Variants in FUT9 observed in about 807,000 individuals in gnomAD.
The protein encoded by FUT9 is fucosyltransferase 9.
A neutral mutation model predicts 29.7 loss-of-function variants in FUT9; 15 were observed. The ratio of observed to expected loss-of-function variants is 0.51; its 90% CI spans 0.34 to 0.78. The LOEUF is 0.78. FUT9 is among the 30% of genes least tolerant of loss of function. FUT9 has a pLI of 0.01. For synonymous variants in FUT9, 169 were observed against 153.7 expected (o/e 1.10, Z -0.74); for missense variants, 319 against 425.4 (o/e 0.75, Z 2.20).
At chr6:96,124,584 A>G (rs1041047612) in intron 2 of FUT9, among the ~76,000 whole-genome samples, 13 of 151,704 alleles carry the variant, frequency 8.6e-5, no homozygotes, top group Admixed American at 5.3e-4. Flanking sequence ...CTTATATTCC[A>G]TTCTAGAATG....
intron 1 of FUT9, among the ~76,000 whole-genome samples, chr6:96,076,894 A>T (rs1771149492): frequency 6.6e-6 from 1 of 152,210 alleles, no homozygotes; most frequent in Non-Finnish European, 1.5e-5. Context: ...ATAAACAAAT[A>T]GACTGTAATA....
rs145491258 is a variant in FUT9 at position 96,056,559 on chromosome 6, T to C, written c.-98+40347T>C. ...TAGTAGTGAAGAAGAAAACACAATC[T>C]CAATATAAGCAAATATACCTAGTAT... is the stretch of plus-strand genomic sequence containing the variant. On this transcript the variant is annotated intron_variant, in intron 1 of 2. Transcript: ENST00000302103. Among the ~76,000 whole-genome samples, 832 of 152,206 alleles carry C rather than the reference T, an allele frequency of 5.5e-3. 4 individuals are homozygous for C. The highest frequency in any genetic ancestry group is 9.2e-3 in the Non-Finnish European group (628 of 68,018).
intron 2 of FUT9, among the ~76,000 whole-genome samples, chr6:96,146,976 T>TAC (rs765237840): frequency 1.8e-4 from 28 of 152,094 alleles, no homozygotes; most frequent in Admixed American, 3.3e-4. Flanking sequence ...TAAAATACCT[T>TAC]ACACACAAAT....
intron 1 of FUT9, among the ~76,000 whole-genome samples, chr6:96,039,184 A>G (rs1380037774): frequency 6.6e-6 from 1 of 151,996 alleles, no homozygotes; most frequent in Non-Finnish European, 1.5e-5. Flanking sequence ...TATTCAATTG[A>G]ACTGAACATC....
At chr6:96,160,242 T>C (rs909567092) in intron 2 of FUT9, among the ~76,000 whole-genome samples, 1 of 152,164 alleles carries the variant, frequency 6.6e-6, no homozygotes, top group African/African-American at 2.4e-5. Context: ...ATGATGGTAT[T>C]GTGGCTCTGA....
At chr6:96,194,515 T>A (rs1299684298) in intron 2 of FUT9, among the ~76,000 whole-genome samples, 1 of 152,140 alleles carries the variant, frequency 6.6e-6, no homozygotes, top group Non-Finnish European at 1.5e-5. Context: ...AGAAGTCTAC[T>A]AATATAAGGA....
chr6:96,067,760 C>A (rs781448581), intron 1 of FUT9, among the ~76,000 whole-genome samples: 2 of 152,022 alleles, frequency 1.3e-5, no homozygotes, highest in Non-Finnish European at 2.9e-5. Flanking sequence ...AAAAAAGAAC[C>A]AACTTCGTGT....
chr6:96,073,129 C>T (rs35833356), intron 1 of FUT9, among the ~76,000 whole-genome samples: 12,210 of 152,190 alleles, frequency 0.08, 731 homozygotes, highest in East Asian at 0.33. Context: ...AGATGTCTCA[C>T]AGAGAAGAAG....
chr6:96,122,047 G>A (rs1332249906), intron 2 of FUT9, among the ~76,000 whole-genome samples: 4 of 152,036 alleles, frequency 2.6e-5, no homozygotes, highest in Non-Finnish European at 4.4e-5. Flanking sequence ...GAGAATTTTA[G>A]TAAAGTGATG....
At position 96,097,054 on chromosome 6, in the gene FUT9, C is replaced by T. The variant is rs554901018; in HGVS notation, c.-97-16985C>T. On this transcript the variant is annotated intron_variant, in intron 1 of 2. Coordinates refer to ENST00000302103, the MANE Select transcript of FUT9 (RefSeq NM_006581.4). ...GCTCACAGAGACAAATCATTTTCCA[C>T]GACTATCCAAAATTTACCCAAGGGA... Among the ~76,000 whole-genome samples, 7 of 152,200 alleles carry T rather than the reference C, an allele frequency of 4.6e-5. No individual in the cohort carries two copies. The South Asian group carries it at 6.2e-4, about 14-fold the overall frequency.
chr6:96,162,935 G>A (rs1229010425), intron 2 of FUT9, among the ~76,000 whole-genome samples: 1 of 152,162 alleles, frequency 6.6e-6, no homozygotes, highest in Non-Finnish European at 1.5e-5. Flanking sequence ...GCCAGATAAG[G>A]CTGAGGTAAA....
intron 1 of FUT9, among the ~76,000 whole-genome samples, chr6:96,033,530 T>C (rs535075485): frequency 1.3e-5 from 2 of 151,750 alleles, no homozygotes; most frequent in South Asian, 2.1e-4. Flanking sequence ...CAATTAATTA[T>C]ATAGGCTGAA....
intron 1 of FUT9, among the ~76,000 whole-genome samples, chr6:96,077,886 C>T (rs1771165457): frequency 6.6e-6 from 1 of 152,090 alleles, no homozygotes; most frequent in South Asian, 2.1e-4. Flanking sequence ...ATGTGATCTG[C>T]CTCCACATCA....
intron 1 of FUT9, among the ~76,000 whole-genome samples, chr6:96,019,059 C>T (rs1469430254): frequency 6.6e-6 from 1 of 151,818 alleles, no homozygotes; most frequent in East Asian, 1.9e-4. Context: ...AATAATAATA[C>T]AAGTTTTTTA....
chr6:96,196,809 G>A (rs1773635172), intron 2 of FUT9, among the ~76,000 whole-genome samples: 1 of 152,118 alleles, frequency 6.6e-6, no homozygotes, highest in Non-Finnish European at 1.5e-5. Flanking sequence ...CTTCCTTCTG[G>A]TAAGAGGCAA....
intron 1 of FUT9, among the ~76,000 whole-genome samples, chr6:96,091,414 T>G (rs2127953939): frequency 6.6e-6 from 1 of 152,178 alleles, no homozygotes; most frequent in South Asian, 2.1e-4. Context: ...AATGAGTCAA[T>G]AACAACGCAT....
intron 2 of FUT9, among the ~76,000 whole-genome samples, chr6:96,158,888 C>T (rs1772842158): frequency 6.6e-6 from 1 of 152,096 alleles, no homozygotes; most frequent in South Asian, 2.1e-4. Context: ...CTGCTGCGTC[C>T]GTGTTGTTGA....
chr6:96,170,868 C>G (rs1773101289), intron 2 of FUT9, among the ~76,000 whole-genome samples: 1 of 152,164 alleles, frequency 6.6e-6, no homozygotes, highest in Non-Finnish European at 1.5e-5. Context: ...CCCACTTTCT[C>G]TAAGTTACTC....
At chr6:96,124,821 T>G (rs1772102983) in intron 2 of FUT9, among the ~76,000 whole-genome samples, 1 of 152,314 alleles carries the variant, frequency 6.6e-6, no homozygotes, top group South Asian at 2.1e-4. Context: ...TTGGCTAAAC[T>G]TTCCAAAAAG....
Sources: allele counts gnomAD v4.1 joint callset (sites outside exome capture counted in the v4.1 genomes callset), GRCh38; gene constraint gnomAD v4.1.1; transcripts MANE v1.5; gene names NCBI Gene and HGNC (gene_info 2026-07-23, HGNC 2026-07-21).